MRPL27: variants seen among roughly 807,000 people sequenced by gnomAD.
MRPL27 encodes large ribosomal subunit protein bL27m.
A neutral mutation model predicts 14.6 loss-of-function variants in MRPL27; 4 were observed. The observed-to-expected ratio is 0.27, with a 90% CI of 0.14 to 0.63. The LOEUF (loss-of-function observed/expected upper bound fraction) is 0.63. Ranked by LOEUF, MRPL27 falls within the 20% of genes least tolerant of loss-of-function variation. The pLI, the probability that MRPL27 is intolerant of heterozygous loss-of-function variation, is 0.85. For missense variants in MRPL27, 196 were observed against 192.8 expected, an observed-to-expected ratio of 1.02 and a Z score of -0.10; for synonymous variants, 82 against 75.5, an observed-to-expected ratio of 1.09 and a Z score of -0.45.
intron 1 of MRPL27, chr17:50,372,766 CCG>C (rs1389889250): frequency 3.5e-6 from 1 of 288,630 alleles, no homozygotes; most frequent in African/African-American, 2.2e-5. Context: ...ACACCTACCG[CCG>C]TGTCTAGCAC....
At chr17:50,373,065 C>T (rs1913232901) in intron 1 of MRPL27, 66 bp downstream of exon 1, 1 of 1,606,820 alleles carries the variant, frequency 6.2e-7, no homozygotes, top group South Asian at 1.1e-5. Context: ...TCACCTCCTT[C>T]CCTCCCTGCT....
chr17:50,368,405 G>T, intron 3 of MRPL27, 107 bp from the exon 4 acceptor site: 3 of 1,172,122 alleles, frequency 2.6e-6, no homozygotes, highest in South Asian at 2.9e-5. Context: ...GGCTGAAAGG[G>T]TGATCAGAGA....
chr17:50,368,670 G>C (rs933348095), intron 3 of MRPL27: 1 of 596,396 alleles, frequency 1.7e-6, no homozygotes, highest in Non-Finnish European at 3.0e-6. Context: ...TAAAACACTA[G>C]TTTGATGTAA....
In MRPL27 at chr17:50,368,146, G is replaced by A. The variant is rs561687649; in HGVS notation, c.393C>T (p.Val131=). The A allele has an allele frequency of 6.2e-7, 1 of 1,614,218 alleles. No homozygotes were observed. The highest frequency in any genetic ancestry group is 1.3e-5 in the African/African-American group (1 of 75,048). Residue 131 remains valine (V), a synonymous_variant, in exon 4 of 4, where the codon GTC becomes GTT. Transcript: ENST00000225969. ...CCTCAGGCTTGGCAGGAACCACGTGGACAAAAGTCTTGTAGAGCACAGCAC... is the reference window on the plus strand; with the variant it reads ...CCTCAGGCTTGGCAGGAACCACGTGAACAAAAGTCTTGTAGAGCACAGCAC... ...PKGAVLYKTF[V]HVVPAKPEGT...
intron 3 of MRPL27, chr17:50,369,764 AG>A (rs1567812013): frequency 2.0e-6 from 1 of 508,470 alleles, no homozygotes; most frequent in African/African-American, 2.0e-5. Flanking sequence ...ATGCAACACC[AG>A]GGCAAATCAT....
chr17:50,370,736 G>T, intron 1 of MRPL27, 150 bp from the exon 2 acceptor site: 33 of 899,922 alleles, frequency 3.7e-5, no homozygotes, highest in Non-Finnish European at 4.3e-5. Context: ...AGTTCTCAGG[G>T]AATACCTCTA....
At position 50,372,254 on chromosome 17, in the gene MRPL27, TTG is replaced by T. The variant is rs200128282; in HGVS notation, c.40+875_40+876del. On this transcript the variant is annotated intron_variant, in intron 1 of 3. Coordinates refer to ENST00000225969, the MANE Select transcript of MRPL27 (RefSeq NM_016504.3). ...TAGGTCTCCTGTCATTCTTTTTTTTTTGGGGGGGGGGGATAGGGCCCCATTCT... is the reference window on the plus strand; with the variant it reads ...TAGGTCTCCTGTCATTCTTTTTTTTTGGGGGGGGGGATAGGGCCCCATTCT... 9.9e-4 allele frequency among the ~76,000 whole-genome samples: 143 copies of T among 144,536 alleles called. 1 individual carries two copies. Among genetic ancestry groups the T allele is most frequent in the Admixed American group, 3.3e-3 (49 of 14,708 alleles). The allele number at this position is 144,536 out of a possible 152,430, so 94.8% of individuals were successfully genotyped here.
At chr17:50,371,728 C>T (rs547753614) in intron 1 of MRPL27, among the ~76,000 whole-genome samples, 2 of 152,306 alleles carry the variant, frequency 1.3e-5, no homozygotes, top group East Asian at 3.9e-4. Flanking sequence ...GAGATAAGGA[C>T]TCAGAAAGAC....
At chr17:50,370,726 A>T in intron 1 of MRPL27, 140 bp from the exon 2 acceptor site, 3 of 1,060,684 alleles carry the variant, frequency 2.8e-6, no homozygotes, top group African/African-American at 1.6e-5. Context: ...TGAGTGTATT[A>T]GTTCTCAGGG....
intron 3 of MRPL27, chr17:50,368,999 A>G: frequency 4.7e-6 from 3 of 640,790 alleles, no homozygotes; most frequent in East Asian, 2.8e-5. Context: ...GTAGTCCAGC[A>G]TTATTCTCTG....
At position 50,369,995 on chromosome 17, in the gene MRPL27, GAA is replaced by G; in HGVS notation, c.240+35_240+36del. The G allele has an allele frequency of 1.9e-6, 3 of 1,609,098 alleles. No homozygotes were observed. In the South Asian group the frequency reaches 3.3e-5, roughly 18 times the overall value. ...TTAGGGGCAAGGAGAGGTCAACCTA[GAA>G]AAGGAAAAAGGGGGGCAGCAACGGA... On this transcript the variant is annotated intron_variant, in intron 3 of 3. Transcript: ENST00000225969.
At chr17:50,368,560 G>A (rs896256482) in intron 3 of MRPL27, 11 of 594,836 alleles carry the variant, frequency 1.8e-5, no homozygotes, top group Non-Finnish European at 3.3e-5. Flanking sequence ...CTGGAGCCAT[G>A]TCTATGCAGC....
At chr17:50,373,184 C>CACTTCCGGTCTCGAAAAGTTTCT (rs566829737), upstream of MRPL27, 14,013 of 1,614,156 alleles carry the variant, frequency 8.7e-3, 103 homozygotes, top group South Asian at 0.021. Context: ...TTCGATCACT[C>CACTTCCGGTCTCGAAAAGTTTCT]ACTTCCGGTC....
rs1412469033 is a variant in MRPL27 at position 50,373,164 on chromosome 17, A to T, written c.7T>A (p.Ser3Thr). 1.9e-6 allele frequency: 3 copies of T among 1,611,784 alleles called. No homozygotes were observed. The highest frequency in any genetic ancestry group is 2.5e-6 in the Non-Finnish European group (3 of 1,178,440). The change falls in exon 1 of 4, where the codon TCG (serine) becomes ACG (threonine). Residue 3 changes from serine to threonine, a missense_variant. By Grantham distance (58) the Ser-to-Thr change is moderately conservative. Transcript: ENST00000225969. MA[S>T]VVLALRTRTA... The stretch of plus-strand genomic sequence containing the variant: ...CGGGTCCTCAGCGCCAACACCACCG[A>T]CGCCATGCTTTCGATCACTCACTTC...
At chr17:50,370,850 A>C in intron 1 of MRPL27, 1 of 397,334 alleles carries the variant, frequency 2.5e-6, no homozygotes, top group Non-Finnish European at 4.7e-6. Context: ...ATTCAGTCTA[A>C]ATGTGCTGAG....
intron 3 of MRPL27, chr17:50,369,117 A>G: frequency 2.1e-6 from 1 of 481,362 alleles, no homozygotes; most frequent in Non-Finnish European, 3.7e-6. Flanking sequence ...CTGTGCCTCT[A>G]TTTTTTCGTC....
chr17:50,373,067 C>G, intron 1 of MRPL27, 64 bp downstream of exon 1: 1 of 1,608,502 alleles, frequency 6.2e-7, no homozygotes, highest in Non-Finnish European at 8.5e-7. Flanking sequence ...ACCTCCTTCC[C>G]TCCCTGCTGG....
At chr17:50,369,848 CT>C (rs1393094124) in intron 3 of MRPL27, 183 bp downstream of exon 3, 1 of 738,586 alleles carries the variant, frequency 1.4e-6, no homozygotes, top group East Asian at 2.8e-5. Flanking sequence ...GTCTAGGTCT[CT>C]GGCATTTCAC....
Position 50,368,133 on chromosome 17 carries a change from C to G in MRPL27, c.406G>C (p.Ala136Pro), listed in dbSNP as rs771444373. The G allele has an allele frequency of 6.2e-7, 1 of 1,614,224 alleles. No homozygotes were observed. The highest frequency in any genetic ancestry group is 1.3e-5 in the African/African-American group (1 of 75,056). ...AGTTTGAAGGTGCCCTCAGGCTTGG[C>G]AGGAACCACGTGGACAAAAGTCTTG... ...LYKTFVHVVP[A>P]KPEGTFKLVA... Residue 136 changes from alanine to proline, a missense_variant, in exon 4 of 4, where the codon GCC becomes CCC. Ala to Pro is a conservative substitution (Grantham distance 27). Transcript: ENST00000225969.
Sources: gnomAD v4.1 joint callset for allele counts (sites outside exome capture counted in the v4.1 genomes callset) on GRCh38, gnomAD v4.1.1 for gene constraint, MANE v1.5 for transcripts, NCBI Gene and HGNC (gene_info 2026-07-23, HGNC 2026-07-21) for gene names.